The following FBXW11 variants were observed in gnomAD, a reference collection of about 807,000 sequenced individuals.
FBXW11 encodes the protein F-box/WD repeat-containing protein 11.
FBXW11 carries 19 observed loss-of-function variants against 77.6 expected under a neutral mutation model. The ratio of observed to expected loss-of-function variants is 0.24; its 90% CI spans 0.17 to 0.36. The LOEUF is 0.36. FBXW11 is among the 10% of genes least tolerant of loss of function. The pLI is 1.00. For missense variants in FBXW11, 334 were observed against 704.2 expected (o/e 0.47, Z 5.95); for synonymous variants, 235 against 249.4 (o/e 0.94, Z 0.54).
At chr5:171,865,645 G>T (rs1308478581) in intron 13 of FBXW11, among the ~76,000 whole-genome samples, 1 of 152,168 alleles carries the variant, frequency 6.6e-6, no homozygotes, top group Non-Finnish European at 1.5e-5. Flanking sequence ...ACCACGAGCA[G>T]GAGTTTACTT....
chr5:171,928,557 T>C (rs1762007212), intron 2 of FBXW11, among the ~76,000 whole-genome samples: 1 of 152,234 alleles, frequency 6.6e-6, no homozygotes, highest in African/African-American at 2.4e-5. Context: ...GACATATGTA[T>C]AGACCAACGG....
intron 1 of FBXW11, among the ~76,000 whole-genome samples, chr5:171,979,987 GA>G (rs997387598): frequency 7.2e-5 from 11 of 152,344 alleles, no homozygotes; most frequent in African/African-American, 2.6e-4. Flanking sequence ...GAGAACAAAG[GA>G]AGAAGGAAGT....
intron 2 of FBXW11, among the ~76,000 whole-genome samples, chr5:171,949,633 G>A (rs998967143): frequency 6.6e-6 from 1 of 151,950 alleles, no homozygotes. Flanking sequence ...CTATAAATCA[G>A]ATTTTTTAAA....
At chr5:171,977,572 C>G in intron 1 of FBXW11, 1 of 450,672 alleles carries the variant, frequency 2.2e-6, no homozygotes, top group Non-Finnish European at 4.4e-6. Context: ...CCGTTTCATG[C>G]TGCCAATAAA....
chr5:171,945,217 T>C lies in FBXW11; in HGVS notation c.147+12380A>G, dbSNP rs564636995. ...TTCAATTGGGTGGTCAGAAAAGGTCTCTCTGAAGAGGAGATATCTGATCAT... is the reference window on the plus strand; with the variant it reads ...TTCAATTGGGTGGTCAGAAAAGGTCCCTCTGAAGAGGAGATATCTGATCAT... On this transcript the variant is annotated intron_variant, in intron 2 of 13. Coordinates refer to ENST00000517395, the MANE Select transcript of FBXW11 (RefSeq NM_001378974.1). Among the ~76,000 whole-genome samples the C allele has an allele frequency of 3.8e-4, 58 of 152,342 alleles. 3 individuals are homozygous for C. The South Asian group carries it at 0.011, about 28-fold the overall frequency.
In FBXW11 at chr5:171,904,745, T is replaced by C. The variant is rs529103089; in HGVS notation, c.437-4645A>G. 3.9e-4 allele frequency among the ~76,000 whole-genome samples: 59 copies of C among 152,178 alleles called. 3 individuals carry two copies. In the South Asian group the frequency reaches 0.011, roughly 28 times the overall value. On this transcript the variant is annotated intron_variant, in intron 4 of 13. Coordinates refer to ENST00000517395, the MANE Select transcript of FBXW11 (RefSeq NM_001378974.1). The surrounding 1 kb of genome is among the most constrained non-coding windows in gnomAD (Gnocchi z 4.0). ...CACCACCATGCCCAGGTAATTTTTG[T>C]ATTTTTAGTACAGATGGGGTTTCAC...
At chr5:171,952,598 GC>G (rs1337240406) in intron 2 of FBXW11, among the ~76,000 whole-genome samples, 3 of 148,616 alleles carry the variant, frequency 2.0e-5, no homozygotes, top group Non-Finnish European at 4.5e-5. Flanking sequence ...GATTACAGGC[GC>G]CCATCATCAT....
At chr5:171,996,845 C>A (rs991379740) in intron 1 of FBXW11, 3 of 1,199,240 alleles carry the variant, frequency 2.5e-6, no homozygotes, top group Non-Finnish European at 3.2e-6. Context: ...TTTCTTTCAG[C>A]GAGTTGAGTT....
chr5:171,870,772 C>T lies in FBXW11; in HGVS notation c.1427G>A (p.Arg476Lys). The change falls in exon 11 of 14, where the codon AGG (arginine) becomes AAG (lysine). Residue 476 changes from arginine to lysine, a missense_variant. By Grantham distance (26) the Arg-to-Lys change is conservative. Around this residue, in one of 10 missense-constraint regions of FBXW11, gnomAD observed 30 missense variants for 50.7 expected, o/e 0.59. Transcript: ENST00000517395. ...LVRCIRFDNK[R>K]IVSGAYDGKI... The stretch of plus-strand genomic sequence containing the variant: ...CCCATCATAGGCCCCACTGACAATC[C>T]TCTTGTTATCAAACCGGATGCATCG... 1 of 1,613,780 alleles carries T rather than the reference C, an allele frequency of 6.2e-7. No homozygotes were observed. Among genetic ancestry groups the T allele is most frequent in the Middle Eastern group, 1.7e-4 (1 of 6,060 alleles).
At chr5:171,911,880 CA>C (rs1352841555) in intron 3 of FBXW11, among the ~76,000 whole-genome samples, 1 of 152,180 alleles carries the variant, frequency 6.6e-6, no homozygotes, top group Non-Finnish European at 1.5e-5. Flanking sequence ...TGTCTAAAAA[CA>C]AAATAACCTC....
intron 1 of FBXW11, among the ~76,000 whole-genome samples, chr5:171,967,881 TATACACACAC>T (rs1161583873): frequency 2.8e-4 from 18 of 64,920 alleles, no homozygotes; most frequent in African/African-American, 1.2e-3. Context: ...TATATATATA[TATACACACAC>T]ACACACACAC....
intron 1 of FBXW11, chr5:171,977,898 G>A: frequency 5.1e-6 from 1 of 195,516 alleles, no homozygotes; most frequent in Non-Finnish European, 1.1e-5. Context: ...TAGGGATACA[G>A]CCAAACCATA....
At chr5:171,938,763 A>C (rs1029969980) in intron 2 of FBXW11, among the ~76,000 whole-genome samples, 1 of 152,228 alleles carries the variant, frequency 6.6e-6, no homozygotes, top group Non-Finnish European at 1.5e-5. Flanking sequence ...ACATGCTCAT[A>C]CGAAAGACAC....
intron 1 of FBXW11, among the ~76,000 whole-genome samples, chr5:171,960,134 G>T (rs12716275): frequency 2.0e-5 from 3 of 152,104 alleles, no homozygotes; most frequent in Non-Finnish European, 4.4e-5. Context: ...CCAGCACTTT[G>T]GGAGGCCGAG....
At chr5:171,865,077 C>G (rs1757303816) in intron 13 of FBXW11, among the ~76,000 whole-genome samples, 1 of 151,794 alleles carries the variant, frequency 6.6e-6, no homozygotes, top group South Asian at 2.1e-4. Flanking sequence ...TAAGTCTTCT[C>G]AATGAATTTA....
At chr5:171,949,028 C>T (rs1241030320) in intron 2 of FBXW11, among the ~76,000 whole-genome samples, 1 of 152,202 alleles carries the variant, frequency 6.6e-6, no homozygotes, top group Non-Finnish European at 1.5e-5. Context: ...TCTCAGATCA[C>T]CAAGTCATCC....
intron 2 of FBXW11, among the ~76,000 whole-genome samples, chr5:171,951,793 T>C (rs1763332186): frequency 6.6e-6 from 1 of 152,136 alleles, no homozygotes; most frequent in African/African-American, 2.4e-5. Flanking sequence ...TTCTTGAAGC[T>C]TGTTTAAAAA....
chr5:171,957,803 C>A, intron 1 of FBXW11, 105 bp from the exon 2 acceptor site: 1 of 948,682 alleles, frequency 1.1e-6, no homozygotes, highest in Non-Finnish European at 1.7e-6. Context: ...GGGGGTGCAC[C>A]CTTGGCAGTT....
rs151231711 is a variant in FBXW11 at position 171,872,916 on chromosome 5, G to A, written c.1296C>T (p.Tyr432=). The change falls in exon 10 of 14, where the codon TAC becomes TAT. Residue 432 remains tyrosine (Y), a synonymous_variant. Transcript: ENST00000517395. ...ATCCACTAACAACCAGGCGATCCCT[G>A]TACTGGAGACAGGCAATGCCCCGCT... ...GHKRGIACLQ[Y]RDRLVVSGSS... 1.9e-6 allele frequency: 3 copies of A among 1,614,006 alleles called. No homozygotes were observed. The highest frequency in any genetic ancestry group is 3.3e-5 in the Admixed American group (2 of 59,988).
Sources: gnomAD v4.1 joint callset for allele counts (sites outside exome capture counted in the v4.1 genomes callset) on GRCh38, gnomAD v4.1.1 for gene constraint, gnomAD v4.1.1 regional missense constraint, Gnocchi (gnomAD v3.1) non-coding constraint, MANE v1.5 for transcripts, NCBI Gene and HGNC (gene_info 2026-07-23, HGNC 2026-07-21) for gene names.